IMMP2L: variants seen among roughly 807,000 people sequenced by gnomAD.
IMMP2L encodes inner mitochondrial membrane peptidase subunit 2.
A neutral mutation model predicts 19.3 loss-of-function variants in IMMP2L; 18 were observed. The observed-to-expected ratio is 0.93, with a 90% CI of 0.64 to 1.38. IMMP2L has a LOEUF of 1.38. Ranked by LOEUF, IMMP2L falls within the 40% of genes most tolerant of loss-of-function variation. The probability of loss-of-function intolerance (pLI) is 0.00; values close to 1 mark genes in which losing one functional copy is unlikely to be tolerated. For synonymous variants in IMMP2L, 76 were observed against 73.0 expected (o/e 1.04, Z -0.21); for missense variants, 233 against 218.2 (o/e 1.07, Z -0.43).
intron 3 of IMMP2L, among the ~76,000 whole-genome samples, chr7:111,458,853 T>C (rs867244655): frequency 3.3e-5 from 5 of 152,214 alleles, no homozygotes; most frequent in African/African-American, 1.2e-4. Context: ...ATATGTCTCC[T>C]TGAATGACTG....
At chr7:111,553,396 G>A (rs895834332) in intron 1 of IMMP2L, among the ~76,000 whole-genome samples, 2 of 152,144 alleles carry the variant, frequency 1.3e-5, no homozygotes, top group Admixed American at 6.6e-5. Context: ...CAGAGACACA[G>A]TATATGTCCC....
chr7:111,272,916 T>C (rs529571290), intron 3 of IMMP2L, among the ~76,000 whole-genome samples: 7 of 152,136 alleles, frequency 4.6e-5, no homozygotes, highest in African/African-American at 1.7e-4. Context: ...CTGATCTAGA[T>C]GTTGGAGGAG....
chr7:110,922,384 T>G (rs1378934325), intron 4 of IMMP2L, among the ~76,000 whole-genome samples: 1 of 152,206 alleles, frequency 6.6e-6, no homozygotes, highest in Non-Finnish European at 1.5e-5. Context: ...AGGATCCTGA[T>G]AGATAATAAA....
chr7:111,215,395 T>A (rs1248660575), intron 3 of IMMP2L, among the ~76,000 whole-genome samples: 1 of 152,172 alleles, frequency 6.6e-6, no homozygotes. Flanking sequence ...TCTGCACAGT[T>A]AATACAGCTA....
At chr7:110,746,676 C>G (rs1369833310) in intron 5 of IMMP2L, among the ~76,000 whole-genome samples, 3 of 152,090 alleles carry the variant, frequency 2.0e-5, no homozygotes, top group Non-Finnish European at 4.4e-5. Context: ...AAAATGAAGG[C>G]AGAAATAAAC....
chr7:111,357,709 G>T (rs1828855369), intron 3 of IMMP2L, among the ~76,000 whole-genome samples: 1 of 151,960 alleles, frequency 6.6e-6, no homozygotes, highest in Non-Finnish European at 1.5e-5. Flanking sequence ...TATCAAACTG[G>T]TTTTAATGAA....
chr7:111,439,776 T>A (rs1837539427), intron 3 of IMMP2L, among the ~76,000 whole-genome samples: 1 of 151,870 alleles, frequency 6.6e-6, no homozygotes, highest in Non-Finnish European at 1.5e-5. Context: ...CATGAAAGAT[T>A]TCTCTGTAGC....
chr7:111,481,862 CAT>C (rs1366464048), intron 3 of IMMP2L, among the ~76,000 whole-genome samples: 2 of 152,130 alleles, frequency 1.3e-5, no homozygotes, highest in African/African-American at 2.4e-5. Flanking sequence ...ATGTATGTCA[CAT>C]GTGTAATTTT....
chr7:110,835,785 TTC>T (rs1804400219), intron 5 of IMMP2L, among the ~76,000 whole-genome samples: 1 of 152,140 alleles, frequency 6.6e-6, no homozygotes, highest in Non-Finnish European at 1.5e-5. Context: ...CTTTTAATAA[TTC>T]TGTTTGTTAT....
intron 3 of IMMP2L, among the ~76,000 whole-genome samples, chr7:111,280,445 C>G (rs1470823995): frequency 2.6e-5 from 4 of 152,104 alleles, no homozygotes; most frequent in Non-Finnish European, 4.4e-5. Flanking sequence ...TGAGAATATC[C>G]TTTATATACT....
intron 3 of IMMP2L, among the ~76,000 whole-genome samples, chr7:111,317,866 CTT>C (rs1824274268): frequency 1.3e-5 from 2 of 152,198 alleles, no homozygotes; most frequent in Admixed American, 1.3e-4. Context: ...TTAAGTGAAA[CTT>C]TGAAAATTCC....
At chr7:110,743,425 G>A (rs181498170) in intron 5 of IMMP2L, among the ~76,000 whole-genome samples, 117 of 152,248 alleles carry the variant, frequency 7.7e-4, no homozygotes, top group African/African-American at 2.7e-3. Context: ...ATAAAAATAA[G>A]ATGTGCTATT....
intron 4 of IMMP2L, among the ~76,000 whole-genome samples, chr7:110,921,470 T>G (rs1585275121): frequency 6.6e-6 from 1 of 152,340 alleles, no homozygotes; most frequent in African/African-American, 2.4e-5. Flanking sequence ...TCATTGGACA[T>G]ACCTCATTAT....
chr7:111,351,707 C>T (rs1412520890), intron 3 of IMMP2L, among the ~76,000 whole-genome samples: 1 of 151,862 alleles, frequency 6.6e-6, no homozygotes, highest in Non-Finnish European at 1.5e-5. Flanking sequence ...CACCCACTCA[C>T]TGTACTTTGT....
intron 3 of IMMP2L, among the ~76,000 whole-genome samples, chr7:111,036,135 C>T (rs1335942166): frequency 6.6e-6 from 1 of 152,140 alleles, no homozygotes; most frequent in Non-Finnish European, 1.5e-5. Flanking sequence ...CATTTTAGAA[C>T]TAGTAAAAAC....
At chr7:111,068,041 A>G (rs2129575064) in intron 3 of IMMP2L, among the ~76,000 whole-genome samples, 1 of 152,348 alleles carries the variant, frequency 6.6e-6, no homozygotes. Flanking sequence ...AGCATTAAAT[A>G]TAAAAAAGAA....
chr7:111,454,380 TA>T (rs1839499215), intron 3 of IMMP2L, among the ~76,000 whole-genome samples: 1 of 152,144 alleles, frequency 6.6e-6, no homozygotes, highest in South Asian at 2.1e-4. Flanking sequence ...AAAAAGTATA[TA>T]TTTTGTGATC....
intron 5 of IMMP2L, among the ~76,000 whole-genome samples, chr7:110,713,025 C>T (rs1015401920): frequency 3.9e-5 from 6 of 152,148 alleles, no homozygotes; most frequent in South Asian, 2.1e-4. Flanking sequence ...CGGCCATCTT[C>T]GTATGACTCT....
chr7:111,225,639 A>G (rs556572737), intron 3 of IMMP2L, among the ~76,000 whole-genome samples: 1 of 151,666 alleles, frequency 6.6e-6, no homozygotes, highest in Admixed American at 6.6e-5. Flanking sequence ...TTATCCATCA[A>G]AAGTGCTATA....
Sources: gnomAD v4.1 joint callset for allele counts (sites outside exome capture counted in the v4.1 genomes callset) on GRCh38, gnomAD v4.1.1 for gene constraint, MANE v1.5 for transcripts, NCBI Gene and HGNC (gene_info 2026-07-23, HGNC 2026-07-21) for gene names.